Variants in RBPJ observed in about 807,000 individuals in gnomAD.
The protein encoded by RBPJ is recombining binding protein suppressor of hairless.
A neutral mutation model predicts 67.8 loss-of-function variants in RBPJ; 9 were observed. The observed-to-expected ratio is 0.13, with a 90% CI of 0.08 to 0.23. RBPJ has a LOEUF of 0.23. Among genes scored for constraint, RBPJ ranks in the 10% least tolerant of loss-of-function variants. RBPJ has a pLI of 1.00. For missense variants in RBPJ, 305 were observed against 595.6 expected, an observed-to-expected ratio of 0.51 and a Z score of 5.08; for synonymous variants, 198 against 203.3, an observed-to-expected ratio of 0.97 and a Z score of 0.22.
In RBPJ at chr4:26,310,136, G is replaced by A. The variant is rs116801458; in HGVS notation, c.-166-52310G>A. On this transcript the variant is annotated intron_variant, in intron 1 of 4. Transcript: ENST00000512351. The stretch of plus-strand genomic sequence containing the variant: ...AATTAAACACAATTGGACAGAAAAC[G>A]GTGAATATTTATTTTTGTTTCTCAA... 7.9e-3 allele frequency among the ~76,000 whole-genome samples: 1,204 copies of A among 152,194 alleles called. 10 individuals are homozygous for A. The highest frequency in any genetic ancestry group is 0.014 in the Admixed American group (209 of 15,268).
intron 1 of RBPJ, among the ~76,000 whole-genome samples, chr4:26,234,670 A>G (rs1719394319): frequency 6.6e-6 from 1 of 151,770 alleles, no homozygotes; most frequent in African/African-American, 2.4e-5. Context: ...TTTGTTTTTC[A>G]ACTATCTTAT....
rs925483386 is a variant in RBPJ at position 26,354,820 on chromosome 4, A to T, written c.21-31533A>T. Among the ~76,000 whole-genome samples the T allele has an allele frequency of 1.4e-4, 22 of 152,310 alleles. No homozygotes were observed. In the East Asian group the frequency reaches 4.2e-3, roughly 29 times the overall value. The stretch of plus-strand genomic sequence containing the variant: ...CAGAAACTGTAATTGTATTTAGATT[A>T]TTGTGATGTAAAGGGGATACAGGCT... On this transcript the variant is annotated intron_variant, in intron 1 of 10. Transcript: ENST00000355476.
At chr4:26,244,137 A>G (rs1231232053) in intron 1 of RBPJ, among the ~76,000 whole-genome samples, 1 of 148,772 alleles carries the variant, frequency 6.7e-6, no homozygotes, top group African/African-American at 2.5e-5. Flanking sequence ...AAATGTATAT[A>G]TATATGTGTA....
At chr4:26,112,417 G>A in the RBPJ span, 1 of 154,566 alleles carries the variant, frequency 6.5e-6, no homozygotes, top group Non-Finnish European at 1.5e-5. Context: ...ATTCCTATTG[G>A]AGAGAAATTG....
chr4:26,165,874 A>T (rs1217435624), intron 1 of RBPJ, among the ~76,000 whole-genome samples: 3 of 90,730 alleles, frequency 3.3e-5, no homozygotes, highest in East Asian at 2.9e-4. Flanking sequence ...CCCTCCCCCC[A>T]CCCCACAACA....
the RBPJ span, among the ~76,000 whole-genome samples, chr4:26,129,934 T>A: frequency 1.3e-5 from 2 of 152,168 alleles, no homozygotes; most frequent in Non-Finnish European, 2.9e-5. Flanking sequence ...CCATCTCAGC[T>A]CACTGCAACC....
intron 1 of RBPJ, among the ~76,000 whole-genome samples, chr4:26,204,952 A>C (rs1227000483): frequency 2.0e-5 from 3 of 152,162 alleles, no homozygotes; most frequent in African/African-American, 7.2e-5. Context: ...AACTGTGAGA[A>C]TCTGGCAAGT....
intron 1 of RBPJ, among the ~76,000 whole-genome samples, chr4:26,207,931 A>G (rs926310624): frequency 1.3e-5 from 2 of 152,168 alleles, no homozygotes; most frequent in African/African-American, 4.8e-5. Context: ...TCACACCTGT[A>G]TAGAACTTTC....
chr4:26,204,119 A>AT (rs1224680108), intron 1 of RBPJ, among the ~76,000 whole-genome samples: 1 of 151,674 alleles, frequency 6.6e-6, no homozygotes, highest in African/African-American at 2.4e-5. Context: ...TAATTTTTGT[A>AT]TTTTTTGTAG....
At chr4:26,358,514 C>T (rs1238692646) in intron 1 of RBPJ, among the ~76,000 whole-genome samples, 2 of 151,244 alleles carry the variant, frequency 1.3e-5, no homozygotes, top group African/African-American at 2.4e-5. Context: ...GTGCCTCATG[C>T]CTATAAGCCC....
intron 1 of RBPJ, among the ~76,000 whole-genome samples, chr4:26,204,740 C>G (rs141273313): frequency 1.3e-5 from 2 of 152,312 alleles, no homozygotes; most frequent in East Asian, 3.9e-4. Flanking sequence ...TAGCACTGCT[C>G]TCGTAAAATG....
chr4:26,293,909 C>T (rs1382212671), intron 1 of RBPJ, among the ~76,000 whole-genome samples: 1 of 151,872 alleles, frequency 6.6e-6, no homozygotes, highest in Non-Finnish European at 1.5e-5. Context: ...AGGCATGTGC[C>T]ACCACACTCA....
intron 1 of RBPJ, among the ~76,000 whole-genome samples, chr4:26,334,277 G>A (rs1724570878): frequency 6.6e-6 from 1 of 151,784 alleles, no homozygotes; most frequent in Non-Finnish European, 1.5e-5. Flanking sequence ...CTGACCTCAA[G>A]TTGATCTGCC....
chr4:26,308,924 A>G (rs949610326), intron 1 of RBPJ, among the ~76,000 whole-genome samples: 1 of 152,134 alleles, frequency 6.6e-6, no homozygotes, highest in Non-Finnish European at 1.5e-5. Flanking sequence ...TGTTCTATTG[A>G]TTTCCTGTGT....
chr4:26,415,698 T>C (rs1468069249), intron 4 of RBPJ, 58 bp downstream of exon 4: 1 of 1,466,570 alleles, frequency 6.8e-7, no homozygotes, highest in Non-Finnish European at 9.2e-7. Flanking sequence ...AATGTAGTTT[T>C]CATATTCATT....
At chr4:26,225,359 A>G (rs970301005) in intron 1 of RBPJ, among the ~76,000 whole-genome samples, 6 of 152,248 alleles carry the variant, frequency 3.9e-5, no homozygotes, top group Admixed American at 3.3e-4. Context: ...GCTAGCCCGA[A>G]AAGGCTACAT....
chr4:26,249,777 C>T (rs1450869663), intron 1 of RBPJ, among the ~76,000 whole-genome samples: 1 of 149,670 alleles, frequency 6.7e-6, no homozygotes, highest in Non-Finnish European at 1.5e-5. Context: ...TCAGAACTTT[C>T]TCTTTTTTTT....
chr4:26,184,205 A>G (rs28830259), intron 1 of RBPJ, among the ~76,000 whole-genome samples: 3 of 145,920 alleles, frequency 2.1e-5, no homozygotes, highest in South Asian at 2.2e-4. Context: ...AAGAAAGAAA[A>G]AAAATGTATC....
At chr4:26,290,317 TAAAA>T (rs35451160) in intron 1 of RBPJ, among the ~76,000 whole-genome samples, 1 of 109,366 alleles carries the variant, frequency 9.1e-6, no homozygotes. Flanking sequence ...AGACCCTGTC[TAAAA>T]AAAAAAAAAA....
Sources: allele counts gnomAD v4.1 joint callset (sites outside exome capture counted in the v4.1 genomes callset), GRCh38; gene constraint gnomAD v4.1.1; transcripts MANE v1.5; gene names NCBI Gene and HGNC (gene_info 2026-07-23, HGNC 2026-07-21).